MYBPHL: variants seen among roughly 807,000 people sequenced by gnomAD.
MYBPHL encodes myosin binding protein H like.
A neutral mutation model predicts 39.5 loss-of-function variants in MYBPHL; 32 were observed. The ratio of observed to expected loss-of-function variants is 0.81; its 90% CI spans 0.61 to 1.09. MYBPHL has a LOEUF of 1.09. Among genes scored for constraint, MYBPHL ranks in the 50% least tolerant of loss-of-function variants. MYBPHL has a pLI of 0.00. For synonymous variants in MYBPHL, 196 were observed against 183.7 expected, an observed-to-expected ratio of 1.07 and a Z score of -0.54; for missense variants, 456 against 460.2, an observed-to-expected ratio of 0.99 and a Z score of 0.08.
At chr1:109,298,060 A>C in intron 2 of MYBPHL, 109 bp downstream of exon 2, 2 of 940,708 alleles carry the variant, frequency 2.1e-6, no homozygotes, top group African/African-American at 3.4e-5. Flanking sequence ...CCTTCTATCC[A>C]AGGCTGGGAA....
chr1:109,299,928 C>A (rs1414491548), intron 1 of MYBPHL, among the ~76,000 whole-genome samples: 2 of 152,174 alleles, frequency 1.3e-5, no homozygotes, highest in African/African-American at 2.4e-5. Flanking sequence ...GGCAAGCAAC[C>A]AAAGAGTTGA....
chr1:109,305,334 G>A (rs1171092071), intron 1 of MYBPHL, among the ~76,000 whole-genome samples: 1 of 152,204 alleles, frequency 6.6e-6, no homozygotes, highest in Admixed American at 6.5e-5. Context: ...ATTCAAAGGT[G>A]TTCTTATTGC....
intron 8 of MYBPHL, among the ~76,000 whole-genome samples, chr1:109,293,925 A>T (rs1225435913): frequency 6.7e-6 from 1 of 148,808 alleles, no homozygotes; most frequent in South Asian, 2.1e-4. Flanking sequence ...TTAGCCGGGC[A>T]TGGTGGCGGG....
At chr1:109,300,593 C>T (rs1382748077) in intron 1 of MYBPHL, among the ~76,000 whole-genome samples, 1 of 152,122 alleles carries the variant, frequency 6.6e-6, no homozygotes, top group Non-Finnish European at 1.5e-5. Context: ...AGAAAAACAC[C>T]TGGGAAAATG....
At position 109,297,547 on chromosome 1, in the gene MYBPHL, C is replaced by T. The variant is rs76186504; in HGVS notation, c.305G>A (p.Arg102Gln). ...GAGGATGGAGTCTTGCTCCCCATTC[C>T]GCACACTCACACGCCTGGTGTCCAA... ...CALDTRRVSV[R>Q]NGEQDSILFI... Residue 102 changes from arginine to glutamine, a missense_variant, in exon 3 of 9, where the codon CGG becomes CAG. By Grantham distance (43) the Arg-to-Gln change is conservative. Transcript: ENST00000357155. 33,333 of 1,613,916 alleles carry T rather than the reference C, an allele frequency of 0.021. 434 individuals are homozygous for T. Among genetic ancestry groups the T allele is most frequent in the Non-Finnish European group, 0.025 (29,868 of 1,180,016 alleles).
intron 8 of MYBPHL, among the ~76,000 whole-genome samples, chr1:109,293,891 C>A (rs907070698): frequency 7.2e-5 from 11 of 152,006 alleles, no homozygotes; most frequent in Admixed American, 6.6e-4. Context: ...TGGTGAAACT[C>A]CATCACTACT....
intron 1 of MYBPHL, among the ~76,000 whole-genome samples, chr1:109,306,106 T>C (rs2101494521): frequency 6.6e-6 from 1 of 152,324 alleles, no homozygotes; most frequent in East Asian, 1.9e-4. Context: ...GTTTCTTGAT[T>C]GTGGTCTTTT....
At chr1:109,295,886 C>T (rs1658040655) in intron 6 of MYBPHL, among the ~76,000 whole-genome samples, 1 of 152,202 alleles carries the variant, frequency 6.6e-6, no homozygotes, top group African/African-American at 2.4e-5. Context: ...AGGCAGGTTG[C>T]ATGTGCACGG....
At chr1:109,305,552 G>C (rs1250193577) in intron 1 of MYBPHL, among the ~76,000 whole-genome samples, 2 of 152,234 alleles carry the variant, frequency 1.3e-5, no homozygotes, top group Admixed American at 6.5e-5. Context: ...CCAGTAGAGA[G>C]AGCTGAGGCG....
intron 1 of MYBPHL, among the ~76,000 whole-genome samples, chr1:109,300,489 C>T (rs1030359182): frequency 1.3e-5 from 2 of 152,202 alleles, no homozygotes; most frequent in Non-Finnish European, 2.9e-5. Flanking sequence ...GCCCGCTGAG[C>T]CCCGCCCTGC....
chr1:109,296,704 G>A, intron 5 of MYBPHL, 79 bp downstream of exon 5: 3 of 1,552,772 alleles, frequency 1.9e-6, no homozygotes, highest in Non-Finnish European at 2.7e-6. Flanking sequence ...CTCCCAAAGT[G>A]CTGGAATTAG....
At chr1:109,306,268 A>G (rs1459530220) in intron 1 of MYBPHL, among the ~76,000 whole-genome samples, 1 of 152,124 alleles carries the variant, frequency 6.6e-6, no homozygotes, top group Non-Finnish European at 1.5e-5. Context: ...GACCATCGTG[A>G]AGGGGAAATT....
At position 109,305,600 on chromosome 1, in the gene MYBPHL, C is replaced by G. The variant is rs542401364; in HGVS notation, c.145+1247G>C. On this transcript the variant is annotated intron_variant, in intron 1 of 8. Coordinates refer to ENST00000357155, the MANE Select transcript of MYBPHL (RefSeq NM_001010985.3). ...GCTCTCATTCTCCTGCTGCCTGTCA[C>G]TTATTCTCTGGGCCTTTTAAGGGAA... Among the ~76,000 whole-genome samples, 3 of 152,348 alleles carry G rather than the reference C, an allele frequency of 2.0e-5. No individual in the cohort carries two copies. The East Asian group carries it at 5.8e-4, about 29-fold the overall frequency.
At chr1:109,294,161 A>G (rs939826958) in intron 8 of MYBPHL, 45 bp downstream of exon 8, 4 of 1,302,554 alleles carry the variant, frequency 3.1e-6, no homozygotes, top group Non-Finnish European at 3.4e-6. Flanking sequence ...CACTAGCCAT[A>G]AACAGGAAGT....
At position 109,306,913 on chromosome 1, in the gene MYBPHL, G is replaced by A. The variant is rs531539132; in HGVS notation, c.79C>T (p.Pro27Ser). The A allele has an allele frequency of 5.0e-6, 8 of 1,609,910 alleles. No individual in the cohort carries two copies. Among genetic ancestry groups the A allele is most frequent in the Admixed American group, 1.7e-5 (1 of 59,550 alleles). ...CCCTGTCCAGGTGAAGCCTGGGGTGGTTCAGCATCCGCTGGGCTGGCTTCT... is the reference window on the plus strand; with the variant it reads ...CCCTGTCCAGGTGAAGCCTGGGGTGATTCAGCATCCGCTGGGCTGGCTTCT... ...VKEASPADAE[P>S]PQASPGQGAG... is the part of the protein sequence containing the mutation. The change falls in exon 1 of 9, where the codon CCA (proline) becomes TCA (serine). Residue 27 changes from proline to serine, a missense_variant. Transcript: ENST00000357155.
Position 109,297,415 on chromosome 1 carries a change from A to G in MYBPHL, c.430+7T>C, listed in dbSNP as rs780368917. ...GACCCCCCCATCTCCCACTTCCCCC[A>G]CCGTACCAATCACCAGGATGTCAAT... On this transcript the variant is annotated splice_region_variant and intron_variant, in intron 3 of 8. Coordinates refer to ENST00000357155, the MANE Select transcript of MYBPHL (RefSeq NM_001010985.3). 6.2e-7 allele frequency: 1 copy of G among 1,608,666 alleles called. No homozygotes were observed. The highest frequency in any genetic ancestry group is 2.2e-5 in the East Asian group (1 of 44,766).
At chr1:109,294,121 A>G in intron 8 of MYBPHL, 85 bp downstream of exon 8, 1 of 913,442 alleles carries the variant, frequency 1.1e-6, no homozygotes, top group Non-Finnish European at 1.8e-6. Context: ...TGAAAGGCTC[A>G]GGAATGCACC....
rs368749988 is a variant in MYBPHL, at chr1:109,306,972, G to A, written c.20C>T (p.Pro7Leu). 187 of 1,610,968 alleles carry A rather than the reference G, an allele frequency of 1.2e-4. 5 individuals are homozygous for A. In the South Asian group the frequency reaches 1.7e-3, roughly 15 times the overall value. Residue 7 changes from proline to leucine, a missense_variant, in exon 1 of 9, where the codon CCG becomes CTG. Coordinates refer to ENST00000357155, the MANE Select transcript of MYBPHL (RefSeq NM_001010985.3). The part of the protein sequence containing the change: MEAATA[P>L]EVAAGSKLKV... ...CAGCTTGGATCCTGCGGCCACCTCC[G>A]GAGCTGTGGCTGCCTCCATGCTGGG...
At chr1:109,299,113 G>A (rs1042699401) in intron 1 of MYBPHL, among the ~76,000 whole-genome samples, 2 of 152,168 alleles carry the variant, frequency 1.3e-5, no homozygotes, top group Admixed American at 6.5e-5. Context: ...TTCCACCTGC[G>A]TTCCCTCGGG....
Sources: allele counts gnomAD v4.1 joint callset (sites outside exome capture counted in the v4.1 genomes callset), GRCh38; gene constraint gnomAD v4.1.1; transcripts MANE v1.5; gene names NCBI Gene and HGNC (gene_info 2026-07-23, HGNC 2026-07-21).